The following UPP2 variants were observed in gnomAD, a reference collection of about 807,000 sequenced individuals.
The protein encoded by UPP2 is UPase 2.
A neutral mutation model predicts 26.7 loss-of-function variants in UPP2; 23 were observed. The ratio of observed to expected loss-of-function variants is 0.86; its 90% CI spans 0.62 to 1.22. The LOEUF is 1.22. UPP2 is among the 50% of genes most tolerant of loss of function. UPP2 has a pLI of 0.00. For missense variants in UPP2, 387 were observed against 396.7 expected (o/e 0.98, Z 0.21); for synonymous variants, 127 against 141.3 (o/e 0.90, Z 0.72).
chr2:158,037,176 C>A (rs573531437), intron 3 of UPP2, among the ~76,000 whole-genome samples: 1 of 151,846 alleles, frequency 6.6e-6, no homozygotes, highest in South Asian at 2.1e-4. Flanking sequence ...AGTTTGAGAC[C>A]AGTCTGGCCA....
At chr2:158,115,988 AG>A (rs1683422974) in intron 3 of UPP2, among the ~76,000 whole-genome samples, 1 of 152,196 alleles carries the variant, frequency 6.6e-6, no homozygotes, top group East Asian at 1.9e-4. Context: ...GCCAGGGGAC[AG>A]GGGAAGAGTC....
At chr2:158,074,385 A>G (rs1682592198) in intron 3 of UPP2, among the ~76,000 whole-genome samples, 1 of 152,192 alleles carries the variant, frequency 6.6e-6, no homozygotes, top group South Asian at 2.1e-4. Context: ...AGACATTTCA[A>G]TAAGACATAA....
intron 2 of UPP2, among the ~76,000 whole-genome samples, chr2:158,112,482 G>C (rs766286284): frequency 1.3e-5 from 2 of 151,856 alleles, no homozygotes; most frequent in Non-Finnish European, 2.9e-5. Context: ...TAAATGTAAG[G>C]CTTAATTCTA....
chr2:158,055,498 G>T (rs984888847), intron 3 of UPP2, among the ~76,000 whole-genome samples: 2 of 152,132 alleles, frequency 1.3e-5, no homozygotes, highest in East Asian at 3.9e-4. Context: ...TGACTGGCTT[G>T]TTCACTTCGC....
At chr2:158,090,996 G>A (rs1184270342) in intron 3 of UPP2, among the ~76,000 whole-genome samples, 1 of 152,194 alleles carries the variant, frequency 6.6e-6, no homozygotes, top group South Asian at 2.1e-4. Context: ...TGACTGTCTT[G>A]AATGCAAAGA....
chr2:158,130,000 G>A (rs1683778981), intron 6 of UPP2, among the ~76,000 whole-genome samples: 1 of 152,024 alleles, frequency 6.6e-6, no homozygotes, highest in Admixed American at 6.6e-5. Flanking sequence ...TTGTTGCTCA[G>A]GCTGTCTTGA....
intron 3 of UPP2, among the ~76,000 whole-genome samples, chr2:158,081,837 AT>A (rs1363672226): frequency 2.0e-5 from 3 of 152,128 alleles, no homozygotes; most frequent in Non-Finnish European, 4.4e-5. Context: ...AAAAGTAAAG[AT>A]GATTAATGGA....
chr2:158,130,448 C>T (rs1397607266), intron 6 of UPP2, among the ~76,000 whole-genome samples: 1 of 70,266 alleles, frequency 1.4e-5, no homozygotes, highest in Non-Finnish European at 2.8e-5. Context: ...AAGAATCCGT[C>T]TCAAAAAAAA....
intron 3 of UPP2, among the ~76,000 whole-genome samples, chr2:158,092,972 G>C (rs546728573): frequency 2.0e-5 from 3 of 152,228 alleles, no homozygotes; most frequent in Admixed American, 1.3e-4. Flanking sequence ...CCAGGCTGGA[G>C]TGCAGTGGCA....
At chr2:158,031,973 A>G (rs556735915) in intron 3 of UPP2, among the ~76,000 whole-genome samples, 88 of 152,276 alleles carry the variant, frequency 5.8e-4, no homozygotes, top group Middle Eastern at 3.4e-3. Context: ...ACATCTTCAT[A>G]CAGCTGAATA....
Position 158,093,966 on chromosome 2 carries a change from A to G in UPP2, c.148-8074A>G, listed in dbSNP as rs1024851099. Among the ~76,000 whole-genome samples the G allele has an allele frequency of 9.3e-5, 14 of 150,130 alleles. No individual in the cohort carries two copies. The Admixed American group carries it at 9.4e-4, about 10-fold the overall frequency. On this transcript the variant is annotated intron_variant, in intron 3 of 9. Transcript: ENST00000605860. ...TAAAAATATATATATAGTATATGTT[A>G]CATTTATATATATATGCCATATATT...
rs369272251 is a variant in UPP2 at position 158,117,946 on chromosome 2, G to A, written c.454+8G>A. On this transcript the variant is annotated splice_region_variant and intron_variant, in intron 4 of 6. Transcript: ENST00000005756. ...GTACATCAGGGGGAATAGGTGAGAC[G>A]GATTGATGTCTACTATTAGAACTGA... 10 of 1,588,688 alleles carry A rather than the reference G, an allele frequency of 6.3e-6. No individual in the cohort carries two copies. The highest frequency in any genetic ancestry group is 3.3e-5 in the Admixed American group (2 of 59,894).
rs1390477472 is a variant in UPP2, at chr2:158,134,818, G to A, written c.882G>A (p.Leu294=). 12 of 1,613,628 alleles carry A rather than the reference G, an allele frequency of 7.4e-6. No homozygotes were observed. The highest frequency in any genetic ancestry group is 1.0e-5 in the Non-Finnish European group (12 of 1,179,748). ...AGATCAACTTGCCTCATGATGTCCT[G>A]GTGGAGTACCAGCAACGGCCTCAGC... ...CDQINLPHDV[L]VEYQQRPQLL... The change falls in exon 7 of 7, where the codon CTG becomes CTA. Residue 294 remains leucine, a synonymous_variant. Coordinates refer to ENST00000005756, the MANE Select transcript of UPP2 (RefSeq NM_173355.4).
intron 3 of UPP2, among the ~76,000 whole-genome samples, chr2:158,076,544 T>C (rs555510609): frequency 7.9e-5 from 12 of 152,166 alleles, no homozygotes; most frequent in African/African-American, 2.4e-4. Flanking sequence ...GTGTACATCA[T>C]ATCAACAGAA....
At chr2:158,056,319 C>T (rs1436696432) in intron 3 of UPP2, among the ~76,000 whole-genome samples, 6 of 151,876 alleles carry the variant, frequency 4.0e-5, no homozygotes, top group Non-Finnish European at 8.8e-5. Context: ...CACCATGGTA[C>T]ATTTGTTACA....
intron 3 of UPP2, among the ~76,000 whole-genome samples, chr2:158,029,675 T>G (rs560516741): frequency 6.9e-6 from 1 of 144,652 alleles, no homozygotes; most frequent in Non-Finnish European, 1.5e-5. Flanking sequence ...AAGGCAAAGT[T>G]TTTCCTTCAA....
chr2:158,066,402 A>G (rs1399305330), intron 3 of UPP2, among the ~76,000 whole-genome samples: 1 of 152,222 alleles, frequency 6.6e-6, no homozygotes, highest in African/African-American at 2.4e-5. Context: ...ATCAATATAT[A>G]AGAAAATTAG....
chr2:158,018,627 A>G (rs1004712527), intron 3 of UPP2, among the ~76,000 whole-genome samples: 4 of 152,218 alleles, frequency 2.6e-5, no homozygotes. Flanking sequence ...CTATTTGGAA[A>G]GCAGGTAGGG....
chr2:158,011,589 A>C (rs1249461365), intron 2 of UPP2, among the ~76,000 whole-genome samples: 3 of 151,506 alleles, frequency 2.0e-5, no homozygotes, highest in African/African-American at 7.3e-5. Flanking sequence ...GTTGTCCACC[A>C]CTGAAGGGAA....
Sources: allele counts gnomAD v4.1 joint callset (sites outside exome capture counted in the v4.1 genomes callset), GRCh38; gene constraint gnomAD v4.1.1; transcripts MANE v1.5; gene names NCBI Gene and HGNC (gene_info 2026-07-23, HGNC 2026-07-21).